Variants in TUBB6 observed in about 807,000 individuals in gnomAD.
TUBB6 encodes tubulin beta-6 chain.
A neutral mutation model predicts 32.3 loss-of-function variants in TUBB6; 18 were observed. The ratio of observed to expected loss-of-function variants is 0.56; its 90% confidence interval spans 0.39 to 0.83. The LOEUF is 0.83. Ranked by LOEUF, TUBB6 falls within the 40% of genes least tolerant of loss-of-function variation. The pLI is 0.00. For missense variants in TUBB6, 480 were observed against 632.0 expected, an observed-to-expected ratio of 0.76 and a Z score of 2.58; for synonymous variants, 280 against 265.8, an observed-to-expected ratio of 1.05 and a Z score of -0.52.
intron 3 of TUBB6, 148 bp downstream of exon 3, chr18:12,311,201 G>A (rs536433439): frequency 3.1e-6 from 2 of 653,506 alleles, no homozygotes; most frequent in East Asian, 6.5e-5. Context: ...TCCCTAGCTG[G>A]GTTCATCACA....
chr18:12,311,261 A>T, intron 3 of TUBB6: 1 of 427,354 alleles, frequency 2.3e-6, no homozygotes, highest in Admixed American at 3.9e-5. Flanking sequence ...AGGAACCTCT[A>T]TATCTCTAAA....
At chr18:12,312,379 T>C (rs1313489719) in intron 3 of TUBB6, among the ~76,000 whole-genome samples, 1 of 151,522 alleles carries the variant, frequency 6.6e-6, no homozygotes, top group East Asian at 1.9e-4. Context: ...TGGTTAGGAG[T>C]CTGGCTGTGC....
At chr18:12,314,664 A>T (rs6505749) in intron 3 of TUBB6, among the ~76,000 whole-genome samples, 6,336 of 152,140 alleles carry the variant, frequency 0.042, 444 homozygotes, top group African/African-American at 0.15. Flanking sequence ...AAAGTTTTAC[A>T]TATGTAAAAT....
At chr18:12,311,231 TCTTGA>T (rs538471591) in intron 3 of TUBB6, 178 bp downstream of exon 3, 12 of 516,414 alleles carry the variant, frequency 2.3e-5, no homozygotes, top group African/African-American at 4.0e-5. Flanking sequence ...TTTTTTTAAA[TCTTGA>T]CTTTTTTGGT....
At chr18:12,309,250 A>T (rs184598271) in intron 2 of TUBB6, among the ~76,000 whole-genome samples, 1 of 142,020 alleles carries the variant, frequency 7.0e-6, no homozygotes, top group East Asian at 2.1e-4. Flanking sequence ...CCACCCCTGT[A>T]GTACCAGTTA....
chr18:12,326,510 A>T lies in TUBB6; in HGVS notation c.*380A>T. 1 of 239,182 alleles carries T rather than the reference A, an allele frequency of 4.2e-6. No homozygotes were observed. Among genetic ancestry groups the T allele is most frequent in the Non-Finnish European group, 8.1e-6 (1 of 122,802 alleles). 14.8% of individuals were successfully genotyped at this position (239,182 alleles called of 1,614,324 possible). On this transcript the variant is annotated 3_prime_UTR_variant, in exon 4 of 4. Coordinates refer to ENST00000317702, the MANE Select transcript of TUBB6 (RefSeq NM_032525.3). ...AATTGTGCCGTGTTGCCTTATATGA[A>T]TATGCAGTATGGGACTTTGAAATAA... is the stretch of plus-strand genomic sequence containing the variant.
chr18:12,324,721 G>A, intron 3 of TUBB6: 1 of 1,204,070 alleles, frequency 8.3e-7, no homozygotes, highest in Non-Finnish European at 1.0e-6. Context: ...AAAGTGCTGG[G>A]ATTACAGGCA....
rs775891292 is a variant in TUBB6 at position 12,326,086 on chromosome 18, G to C, written c.1297G>C (p.Gly433Arg). The C allele has an allele frequency of 6.2e-7, 1 of 1,614,094 alleles. No individual in the cohort carries two copies. The highest frequency in any genetic ancestry group is 8.5e-7 in the Non-Finnish European group (1 of 1,179,978). Residue 433 changes from glycine (G) to arginine (R), a missense_variant, in exon 4 of 4, where the codon GGG becomes CGG. Gly to Arg is a moderately radical substitution (Grantham distance 125). Transcript: ENST00000317702. The stretch of plus-strand genomic sequence containing the variant: ...GTACCAGGATGCCACCGCCAATGAC[G>C]GGGAGGAAGCTTTTGAGGATGAGGA... Reference protein sequence around the residue: ...QQYQDATANDGEEAFEDEEEE... With the variant: ...QQYQDATANDREEAFEDEEEE...
At chr18:12,316,537 T>C (rs1009311940) in intron 3 of TUBB6, among the ~76,000 whole-genome samples, 3 of 152,254 alleles carry the variant, frequency 2.0e-5, no homozygotes, top group African/African-American at 7.2e-5. Flanking sequence ...TGTACTAACA[T>C]GATATGTCTT....
At chr18:12,316,035 C>T (rs1598803826) in intron 3 of TUBB6, among the ~76,000 whole-genome samples, 1 of 152,236 alleles carries the variant, frequency 6.6e-6, no homozygotes, top group Admixed American at 6.5e-5. Flanking sequence ...GCTGTCTGGC[C>T]CCGGCCCAGT....
At chr18:12,310,333 C>CA (rs1327140320) in intron 2 of TUBB6, among the ~76,000 whole-genome samples, 2 of 151,366 alleles carry the variant, frequency 1.3e-5, no homozygotes, top group African/African-American at 2.4e-5. Flanking sequence ...ACTGAAAATA[C>CA]AAAAAAAATT....
intron 1 of TUBB6, 24 bp downstream of exon 1, chr18:12,308,373 C>T (rs1356982770): frequency 1.1e-5 from 16 of 1,398,976 alleles, no homozygotes; most frequent in Non-Finnish European, 1.4e-5. Context: ...GGTGCAGGGC[C>T]TCTCCGCGGG....
Position 12,325,863 on chromosome 18 carries a change from C to G in TUBB6, c.1074C>G (p.Pro358=), listed in dbSNP as rs139093890. The part of the protein sequence containing the change: ...NVKVAVCDIP[P]RGLKMASTFI... ...AGGTGGCCGTGTGCGACATCCCGCC[C>G]CGCGGCCTGAAGATGGCCTCCACCT... is the stretch of plus-strand genomic sequence containing the variant. The change falls in exon 4 of 4, where the codon CCC becomes CCG. Residue 358 remains proline (P), a synonymous_variant. Coordinates refer to ENST00000317702, the MANE Select transcript of TUBB6 (RefSeq NM_032525.3). 6.2e-7 allele frequency: 1 copy of G among 1,614,194 alleles called. No individual in the cohort carries two copies. The highest frequency in any genetic ancestry group is 1.3e-5 in the African/African-American group (1 of 75,058).
At chr18:12,323,593 G>A (rs549603886) in intron 3 of TUBB6, among the ~76,000 whole-genome samples, 2 of 152,240 alleles carry the variant, frequency 1.3e-5, no homozygotes, top group South Asian at 4.1e-4. Context: ...GGATCACGAA[G>A]TCAGGAGATT....
In TUBB6 at chr18:12,309,408, C is replaced by T. The variant is rs1353109737; in HGVS notation, c.166+613C>T. Among the ~76,000 whole-genome samples the T allele has an allele frequency of 7.0e-5, 10 of 141,988 alleles. 1 individual carries two copies. The highest frequency in any genetic ancestry group is 2.3e-4 in the African/African-American group (9 of 38,608). 93.1% of individuals were successfully genotyped at this position (141,988 alleles called of 152,430 possible). A position where few individuals can be genotyped will look rare whatever the true frequency, so the allele number is the denominator to read the frequency against. ...GGGAAAAACAAAGCTTCCCCCCCCC[C>T]CCCCCCAGTTTAAAACGTATCTCTT... is the stretch of plus-strand genomic sequence containing the variant. On this transcript the variant is annotated intron_variant, in intron 2 of 3. Coordinates refer to ENST00000317702, the MANE Select transcript of TUBB6 (RefSeq NM_032525.3).
rs767366051 is a variant in TUBB6 at position 12,326,132 on chromosome 18, C to T, written c.*2C>T. 1.9e-6 allele frequency: 3 copies of T among 1,607,366 alleles called. No individual in the cohort carries two copies. Among genetic ancestry groups the T allele is most frequent in the Non-Finnish European group, 1.7e-6 (2 of 1,176,246 alleles). On this transcript the variant is annotated 3_prime_UTR_variant, in exon 4 of 4. Transcript: ENST00000317702. ...GAGGAAGAGGAGATCGATGGATAGT[C>T]GGAATAGAGCCGCCCCAACTCAGAT...
At chr18:12,329,542 T>A (rs748831145), downstream of TUBB6, 1 of 1,606,288 alleles carries the variant, frequency 6.2e-7, no homozygotes, top group African/African-American at 1.3e-5. Context: ...GTGGACAGAC[T>A]GAGATGGCCT....
At position 12,308,275 on chromosome 18, in the gene TUBB6, C is replaced by G. The variant is rs753593510; in HGVS notation, c.-18C>G. On this transcript the variant is annotated 5_prime_UTR_variant, in exon 1 of 4. Transcript: ENST00000317702. ...TGTCGTCCGCAGAGCCAGTTCCTAGCGCAGAGCCGCGCCCGCCATGAGGGA... is the reference window on the plus strand; with the variant it reads ...TGTCGTCCGCAGAGCCAGTTCCTAGGGCAGAGCCGCGCCCGCCATGAGGGA... The G allele has an allele frequency of 2.1e-6, 3 of 1,436,916 alleles. No individual in the cohort carries two copies. Among genetic ancestry groups the G allele is most frequent in the Non-Finnish European group, 1.8e-6 (2 of 1,089,534 alleles). The allele number at this position is 1,436,916 out of a possible 1,614,324, so 89.0% of individuals were successfully genotyped here.
chr18:12,324,718 T>C (rs1446936785), intron 3 of TUBB6: 6 of 1,188,918 alleles, frequency 5.0e-6, no homozygotes, highest in African/African-American at 1.6e-5. Context: ...CCCAAAGTGC[T>C]GGGATTACAG....
Sources: gnomAD v4.1 joint callset for allele counts (sites outside exome capture counted in the v4.1 genomes callset) on GRCh38, gnomAD v4.1.1 for gene constraint, MANE v1.5 for transcripts, NCBI Gene and HGNC (gene_info 2026-07-23, HGNC 2026-07-21) for gene names.